Variants in CSGALNACT1 observed in about 807,000 individuals in gnomAD.
CSGALNACT1 encodes the protein beta4GalNAcT-1.
In CSGALNACT1, 52 loss-of-function variants were observed where a neutral mutation model predicts 51.0. The observed-to-expected ratio is 1.02, with a 90% CI of 0.82 to 1.29. The LOEUF (loss-of-function observed/expected upper bound fraction) is 1.29. CSGALNACT1 is among the 50% of genes most tolerant of loss of function. The pLI is 0.00. For missense variants in CSGALNACT1, 935 were observed against 679.2 expected (o/e 1.38, Z -4.19); for synonymous variants, 341 against 254.4 (o/e 1.34, Z -3.24).
intron 1 of CSGALNACT1, among the ~76,000 whole-genome samples, chr8:19,637,803 C>T (rs139675107): frequency 1.1e-4 from 16 of 150,380 alleles, no homozygotes; most frequent in Non-Finnish European, 1.9e-4. Flanking sequence ...GAATTATACT[C>T]GTTGTACGAG....
chr8:19,755,056 C>A (rs930723642), intron 1 of CSGALNACT1, among the ~76,000 whole-genome samples: 1 of 152,144 alleles, frequency 6.6e-6, no homozygotes, highest in African/African-American at 2.4e-5. Flanking sequence ...TTTAAATCAA[C>A]AAATATTTAT....
intron 4 of CSGALNACT1, among the ~76,000 whole-genome samples, chr8:19,491,508 A>G (rs1012172771): frequency 8.5e-5 from 13 of 152,238 alleles, no homozygotes; most frequent in Non-Finnish European, 1.8e-4. Context: ...GCTCCTAACA[A>G]TATGTGTCAT....
At chr8:19,422,631 T>C (rs1021929321) in intron 6 of CSGALNACT1, among the ~76,000 whole-genome samples, 1 of 152,258 alleles carries the variant, frequency 6.6e-6, no homozygotes, top group Non-Finnish European at 1.5e-5. Flanking sequence ...ATTGAAGTTA[T>C]GCTCAAAACC....
chr8:19,420,602 C>A, intron 6 of CSGALNACT1, 84 bp from the exon 6 acceptor site: 1 of 1,386,450 alleles, frequency 7.2e-7, no homozygotes, highest in Non-Finnish European at 1.0e-6. Context: ...AGGGCCCATC[C>A]ACATCTTGAC....
At chr8:19,729,309 G>C (rs928519291) in intron 1 of CSGALNACT1, among the ~76,000 whole-genome samples, 4 of 152,156 alleles carry the variant, frequency 2.6e-5, no homozygotes, top group African/African-American at 9.7e-5. Flanking sequence ...TACTTGTTAA[G>C]TGATTGCGTG....
intron 7 of CSGALNACT1, among the ~76,000 whole-genome samples, chr8:19,419,044 C>T (rs1172934283): frequency 6.6e-6 from 1 of 152,108 alleles, no homozygotes; most frequent in African/African-American, 2.4e-5. Flanking sequence ...TGGGGTTTCA[C>T]CATGTTGGTC....
chr8:19,543,400 A>G (rs1017483314), intron 3 of CSGALNACT1, among the ~76,000 whole-genome samples: 3 of 152,222 alleles, frequency 2.0e-5, no homozygotes, highest in Non-Finnish European at 4.4e-5. Flanking sequence ...CGGGGCTTGT[A>G]AAAAGTTCTC....
At chr8:19,454,026 C>T (rs1052356194) in intron 5 of CSGALNACT1, among the ~76,000 whole-genome samples, 32 of 152,188 alleles carry the variant, frequency 2.1e-4, no homozygotes, top group Admixed American at 1.1e-3. Flanking sequence ...TTCAGGCATT[C>T]TGGCAAAAGC....
upstream of CSGALNACT1, among the ~76,000 whole-genome samples, chr8:19,683,844 G>A (rs1554806164): frequency 1.3e-5 from 2 of 151,688 alleles, no homozygotes; most frequent in African/African-American, 2.4e-5. Context: ...AGGGACAGAG[G>A]GCAAGACCAC....
chr8:19,686,729 G>C (rs1200197096), upstream of CSGALNACT1, among the ~76,000 whole-genome samples: 1 of 152,222 alleles, frequency 6.6e-6, no homozygotes. Flanking sequence ...GCTGGACAGG[G>C]AGGGAACATT....
intron 1 of CSGALNACT1, among the ~76,000 whole-genome samples, chr8:19,745,085 C>G (rs1047107291): frequency 1.1e-4 from 17 of 152,298 alleles, no homozygotes; most frequent in South Asian, 2.1e-4. Flanking sequence ...CTGTCATAGT[C>G]GTCTGACCCG....
chr8:19,497,884 TC>T (rs1444542227), intron 4 of CSGALNACT1, among the ~76,000 whole-genome samples: 1 of 152,104 alleles, frequency 6.6e-6, no homozygotes, highest in African/African-American at 2.4e-5. Flanking sequence ...CAGCCATTTG[TC>T]CCTTACATAC....
exon 4 of CSGALNACT1, chr8:19,505,444 C>T: frequency 6.2e-7 from 1 of 1,614,188 alleles, no homozygotes; most frequent in African/African-American, 1.3e-5. Flanking sequence ...TTCACCTCTG[C>T]CTTGTCCACC....
In CSGALNACT1 at chr8:19,493,190, T is replaced by C. The variant is rs191301162; in HGVS notation, c.634+12011A>G. Among the ~76,000 whole-genome samples the C allele has an allele frequency of 4.4e-3, 673 of 152,268 alleles. 3 individuals are homozygous for C. Among genetic ancestry groups the C allele is most frequent in the Non-Finnish European group, 6.5e-3 (442 of 68,018 alleles). Reference sequence around the variant, plus strand: ...TACTCTCTCCTGAACACATTCAGCCTCCCCCAACCTTCTATTTCACAGCAA... The same window carrying C: ...TACTCTCTCCTGAACACATTCAGCCCCCCCCAACCTTCTATTTCACAGCAA... On this transcript the variant is annotated intron_variant, in intron 4 of 9. Transcript: ENST00000454498.
At chr8:19,451,981 G>T (rs377382934) in intron 5 of CSGALNACT1, among the ~76,000 whole-genome samples, 1 of 152,292 alleles carries the variant, frequency 6.6e-6, no homozygotes, top group East Asian at 1.9e-4. Flanking sequence ...GCATGGGAAG[G>T]ATAATGCTTT....
chr8:19,556,492 C>A (rs1273400060), intron 3 of CSGALNACT1, among the ~76,000 whole-genome samples: 1 of 152,020 alleles, frequency 6.6e-6, no homozygotes, highest in Non-Finnish European at 1.5e-5. Context: ...ATAATGAAAT[C>A]CAATGGATTT....
chr8:19,565,228 G>A (rs971165201), intron 3 of CSGALNACT1, among the ~76,000 whole-genome samples: 19 of 151,950 alleles, frequency 1.3e-4, no homozygotes, highest in Non-Finnish European at 2.1e-4. Flanking sequence ...TCCAACTTTC[G>A]GAAAAGTTCT....
rs572203605 is a variant in CSGALNACT1, at chr8:19,610,865, C to T, written c.-543-9000G>A. ...GAGGATCTAACCGAGCAGGTTAACA[C>T]AAGCCGCCTACAGACGGCAAAACTA... On this transcript the variant is annotated intron_variant, in intron 1 of 9. Coordinates refer to the CSGALNACT1 transcript ENST00000332246. Among the ~76,000 whole-genome samples the T allele has an allele frequency of 1.1e-4, 16 of 152,364 alleles. No homozygotes were observed. The South Asian group carries it at 2.1e-3, about 20-fold the overall frequency.
chr8:19,682,159 C>G (rs1267201736), intron 1 of CSGALNACT1, among the ~76,000 whole-genome samples: 6 of 152,030 alleles, frequency 3.9e-5, no homozygotes, highest in African/African-American at 1.4e-4. Flanking sequence ...AGTATAGGAC[C>G]TGATTTTTAG....
Sources: gnomAD v4.1 joint callset for allele counts (sites outside exome capture counted in the v4.1 genomes callset) on GRCh38, gnomAD v4.1.1 for gene constraint, MANE v1.5 for transcripts, NCBI Gene and HGNC (gene_info 2026-07-23, HGNC 2026-07-21) for gene names.